ZNF143: variants seen among roughly 807,000 people sequenced by gnomAD.
ZNF143 encodes the protein SPH-binding factor.
ZNF143 carries 49 observed loss-of-function variants against 74.1 expected under a neutral mutation model. The ratio of observed to expected loss-of-function variants is 0.66; its 90% confidence interval spans 0.53 to 0.84. The LOEUF is 0.84. Ranked by LOEUF, ZNF143 falls within the 40% of genes least tolerant of loss-of-function variation. The pLI, the probability that ZNF143 is intolerant of heterozygous loss-of-function variation, is 0.00. For synonymous variants in ZNF143, 304 were observed against 282.8 expected (o/e 1.07, Z -0.75); for missense variants, 637 against 793.4 (o/e 0.80, Z 2.37).
At chr11:9,511,258 T>C (rs1405392919) in intron 12 of ZNF143, among the ~76,000 whole-genome samples, 3 of 150,056 alleles carry the variant, frequency 2.0e-5, no homozygotes, top group African/African-American at 4.9e-5. Flanking sequence ...ATTACAGGCA[T>C]GCTCCACCAG....
chr11:9,523,712 C>T (rs933484761), intron 14 of ZNF143, among the ~76,000 whole-genome samples: 2 of 149,306 alleles, frequency 1.3e-5, no homozygotes, highest in African/African-American at 2.5e-5. Flanking sequence ...CCAGCCTGGG[C>T]GACAAAGTGA....
intron 3 of ZNF143, 42 bp downstream of exon 3, chr11:9,472,811 T>G: frequency 6.9e-7 from 1 of 1,448,904 alleles, no homozygotes; most frequent in South Asian, 1.4e-5. Flanking sequence ...TACCAGTGAT[T>G]TATAACCTGT....
In ZNF143 at chr11:9,472,706, G is replaced by A. The variant is rs768865975; in HGVS notation, c.142G>A (p.Val48Ile). Reference protein sequence around the residue: ...DGDNLENMEGVSLQAVTLADG... With the variant: ...DGDNLENMEGISLQAVTLADG... ...TGACAACTTAGAAAATATGGAAGGC[G>A]TAAGCTTGCAAGCAGTAACACTTGC... Residue 48 changes from valine (V) to isoleucine (I), a missense_variant, in exon 3 of 16, where the codon GTA (valine) becomes ATA (isoleucine). Physicochemically the swap from Val to Ile is conservative, Grantham distance 29. This residue lies in a region of ZNF143 where 293 missense variants were observed against 307.8 expected (regional missense o/e 0.95). Coordinates refer to ENST00000396602, the MANE Select transcript of ZNF143 (RefSeq NM_003442.6). 11 of 1,607,214 alleles carry A rather than the reference G, an allele frequency of 6.8e-6. No individual in the cohort carries two copies. Among genetic ancestry groups the A allele is most frequent in the East Asian group, 4.5e-5 (2 of 44,698 alleles).
Position 9,478,405 on chromosome 11 carries a change from G to A in ZNF143, c.389G>A (p.Ser130Asn), listed in dbSNP as rs963671881. 9 of 1,613,732 alleles carry A rather than the reference G, an allele frequency of 5.6e-6. No individual in the cohort carries two copies. The highest frequency in any genetic ancestry group is 1.7e-5 in the Admixed American group (1 of 59,980). The change falls in exon 6 of 16, where the codon AGT becomes AAT. Residue 130 changes from serine (S) to asparagine (N), a missense_variant. Physicochemically the swap from Ser to Asn is conservative, Grantham distance 46. This residue lies in a region of ZNF143 where 293 missense variants were observed against 307.8 expected (regional missense o/e 0.95). Coordinates refer to ENST00000396602, the MANE Select transcript of ZNF143 (RefSeq NM_003442.6). The part of the protein sequence containing the change: ...HHTSKDSYDQ[S>N]ALQAVQLEDG... ...ACTCTCTCAGATAGTTATGACCAGA[G>A]TGCATTACAGGCGGTTCAGCTGGAA...
At chr11:9,496,606 T>G (rs751175972) in intron 9 of ZNF143, among the ~76,000 whole-genome samples, 16 of 149,436 alleles carry the variant, frequency 1.1e-4, no homozygotes, top group Admixed American at 9.3e-4. Context: ...TTTTTCTTTT[T>G]CTTTTTTTTT....
intron 1 of ZNF143, among the ~76,000 whole-genome samples, chr11:9,470,611 A>G (rs545634234): frequency 1.5e-3 from 221 of 152,326 alleles, no homozygotes; most frequent in African/African-American, 4.7e-3. Context: ...GAAAATGCCA[A>G]TGTGGCTGAA....
chr11:9,527,648 T>G lies in ZNF143; in HGVS notation c.*35T>G. 1 of 1,582,164 alleles carries G rather than the reference T, an allele frequency of 6.3e-7. No homozygotes were observed. Among genetic ancestry groups the G allele is most frequent in the Non-Finnish European group, 8.7e-7 (1 of 1,152,838 alleles). ...CAATGGAGCAATAAAGCAGAAGGAG[T>G]CTTTCATCTTCTGGCAGCAGAAATC... On this transcript the variant is annotated 3_prime_UTR_variant, in exon 16 of 16. Transcript: ENST00000396602.
At position 9,494,680 on chromosome 11, in the gene ZNF143, C is replaced by T. The variant is rs1847898507; in HGVS notation, c.680C>T (p.Ala227Val). The T allele has an allele frequency of 1.2e-6, 2 of 1,613,776 alleles. No homozygotes were observed. Among genetic ancestry groups the T allele is most frequent in the Non-Finnish European group, 1.7e-6 (2 of 1,179,738 alleles). The change falls in exon 8 of 16, where the codon GCT (alanine) becomes GTT (valine). Residue 227 changes from alanine to valine, a missense_variant. Ala to Val is a moderately conservative substitution (Grantham distance 64, BLOSUM62 0). Coordinates refer to ENST00000396602, the MANE Select transcript of ZNF143 (RefSeq NM_003442.6). ...CAAGGACATGCTACAAGAGTAACTG[C>T]TAAATCTCAACAGAGTGGAGAGAAG... Reference protein sequence around the residue: ...VLQGHATRVTAKSQQSGEKAF... With the variant: ...VLQGHATRVTVKSQQSGEKAF...
At chr11:9,512,406 T>G in intron 12 of ZNF143, 42 bp from the exon 13 acceptor site, 1 of 1,588,740 alleles carries the variant, frequency 6.3e-7, no homozygotes. Flanking sequence ...TCTAAACAAA[T>G]TGGTTGGTTG....
At chr11:9,495,503 A>G (rs1007886827) in intron 8 of ZNF143, among the ~76,000 whole-genome samples, 1 of 152,262 alleles carries the variant, frequency 6.6e-6, no homozygotes, top group African/African-American at 2.4e-5. Flanking sequence ...TATACATAAC[A>G]GAACATACCA....
intron 14 of ZNF143, among the ~76,000 whole-genome samples, chr11:9,524,413 G>A (rs1441865528): frequency 6.6e-6 from 1 of 152,150 alleles, no homozygotes; most frequent in Non-Finnish European, 1.5e-5. Flanking sequence ...GACATTGCTG[G>A]AATGAAATCT....
At chr11:9,488,685 T>C (rs1847655581) in intron 7 of ZNF143, among the ~76,000 whole-genome samples, 1 of 152,216 alleles carries the variant, frequency 6.6e-6, no homozygotes, top group Non-Finnish European at 1.5e-5. Flanking sequence ...ACAGTTTTAC[T>C]AGCTAGACTG....
rs376178198 is a variant in ZNF143, at chr11:9,466,143, T to A, written c.-8+5067T>A. Among the ~76,000 whole-genome samples, 121 of 151,968 alleles carry A rather than the reference T, an allele frequency of 8.0e-4. 1 individual carries two copies. In the South Asian group the frequency reaches 0.011, roughly 13 times the overall value. On this transcript the variant is annotated intron_variant, in intron 1 of 15. Coordinates refer to ENST00000396602, the MANE Select transcript of ZNF143 (RefSeq NM_003442.6). ...GATTACAGGCACCTGCCACCACATC[T>A]GGCTAATTTTTGTATTTTTAGTAGA...
chr11:9,479,069 A>G (rs1847136283), intron 6 of ZNF143, among the ~76,000 whole-genome samples: 1 of 136,198 alleles, frequency 7.3e-6, no homozygotes, highest in African/African-American at 2.4e-5. Flanking sequence ...TTTATATCAA[A>G]AGAGCTGATT....
chr11:9,523,319 T>G (rs1039193511), intron 14 of ZNF143, among the ~76,000 whole-genome samples: 32 of 152,320 alleles, frequency 2.1e-4, no homozygotes, highest in African/African-American at 6.3e-4. Context: ...AAACTTCAAA[T>G]TCCGTCTCTC....
intron 7 of ZNF143, among the ~76,000 whole-genome samples, chr11:9,493,723 T>C (rs569766419): frequency 6.6e-6 from 1 of 152,282 alleles, no homozygotes; most frequent in East Asian, 1.9e-4. Context: ...AGAGATAGGA[T>C]GTTGCAACAC....
At chr11:9,499,204 A>T (rs1213698112) in intron 10 of ZNF143, among the ~76,000 whole-genome samples, 1 of 152,212 alleles carries the variant, frequency 6.6e-6, no homozygotes, top group Non-Finnish European at 1.5e-5. Flanking sequence ...TGAGTAAGGG[A>T]CATAGGGACT....
chr11:9,468,000 G>A lies in ZNF143; in HGVS notation c.-7-3302G>A, dbSNP rs183923561. On this transcript the variant is annotated intron_variant, in intron 1 of 15. Transcript: ENST00000396602. ...CAGTGTTCCTCTTGGGGGTAATAAC[G>A]TACAGTCTGGCATTGTAATTTTGAA... is the stretch of plus-strand genomic sequence containing the variant. Among the ~76,000 whole-genome samples the A allele has an allele frequency of 4.6e-5, 7 of 152,212 alleles. No homozygotes were observed. The East Asian group carries it at 1.4e-3, about 29-fold the overall frequency.
intron 11 of ZNF143, among the ~76,000 whole-genome samples, chr11:9,501,767 C>G (rs1848167656): frequency 6.6e-6 from 1 of 151,896 alleles, no homozygotes; most frequent in Non-Finnish European, 1.5e-5. Context: ...CTCAGTGGTT[C>G]CATATGACAG....
Sources: gnomAD v4.1 joint callset for allele counts (sites outside exome capture counted in the v4.1 genomes callset) on GRCh38, gnomAD v4.1.1 for gene constraint, gnomAD v4.1.1 regional missense constraint, MANE v1.5 for transcripts, NCBI Gene and HGNC (gene_info 2026-07-23, HGNC 2026-07-21) for gene names.